WWOX: variants seen among roughly 807,000 people sequenced by gnomAD.
The protein encoded by WWOX is WW domain-containing oxidoreductase.
WWOX carries 69 observed loss-of-function variants against 46.2 expected under a neutral mutation model. The observed-to-expected ratio is 1.49, with a 90% CI of 1.23 to 1.82. The LOEUF is 1.82. WWOX is among the 40% of genes most tolerant of loss of function. The pLI is 0.00. For synonymous variants in WWOX, 359 were observed against 202.6 expected, an observed-to-expected ratio of 1.77 and a Z score of -6.56; for missense variants, 919 against 542.6, an observed-to-expected ratio of 1.69 and a Z score of -6.89.
At chr16:78,518,157 A>C (rs2043277764) in intron 8 of WWOX, among the ~76,000 whole-genome samples, 1 of 152,086 alleles carries the variant, frequency 6.6e-6, no homozygotes, top group African/African-American at 2.4e-5. Context: ...AGAGTCTATC[A>C]CTGTGCTTTT....
chr16:78,320,514 G>A (rs2080445305), intron 5 of WWOX, among the ~76,000 whole-genome samples: 1 of 152,166 alleles, frequency 6.6e-6, no homozygotes, highest in African/African-American at 2.4e-5. Flanking sequence ...CCCCGTAAGA[G>A]CATTATTCCC....
intron 8 of WWOX, among the ~76,000 whole-genome samples, chr16:78,640,910 G>C (rs189998827): frequency 1.4e-5 from 2 of 145,652 alleles, no homozygotes; most frequent in South Asian, 2.2e-4. Context: ...CTGCACTCCA[G>C]TCTGGGTGAC....
chr16:79,033,397 T>G (rs2151399471), intron 8 of WWOX, among the ~76,000 whole-genome samples: 1 of 151,028 alleles, frequency 6.6e-6, no homozygotes. Context: ...CTCTAATAAT[T>G]ATTTTTTAAG....
intron 6 of WWOX, among the ~76,000 whole-genome samples, chr16:78,395,752 T>TC (rs1485413399): frequency 4.0e-5 from 6 of 151,124 alleles, no homozygotes; most frequent in Non-Finnish European, 4.4e-5. Flanking sequence ...TTTTGTTTTG[T>TC]TTTTTCTTTT....
chr16:78,375,264 C>A (rs910640042), intron 5 of WWOX, among the ~76,000 whole-genome samples: 2 of 152,250 alleles, frequency 1.3e-5, no homozygotes, highest in Non-Finnish European at 2.9e-5. Context: ...ATATCCGTCA[C>A]ACGCAGTGTG....
intron 8 of WWOX, among the ~76,000 whole-genome samples, chr16:79,072,646 G>C (rs1286201092): frequency 6.6e-6 from 1 of 152,132 alleles, no homozygotes; most frequent in Admixed American, 6.5e-5. Flanking sequence ...ATCAAAGTTA[G>C]CAGTACTTGT....
At chr16:79,197,791 C>T (rs565734039) in intron 8 of WWOX, among the ~76,000 whole-genome samples, 5 of 152,172 alleles carry the variant, frequency 3.3e-5, no homozygotes, top group East Asian at 1.9e-4. Flanking sequence ...CCCACCATGA[C>T]GATGGGAGGC....
At chr16:79,142,781 C>G (rs970182283) in intron 8 of WWOX, among the ~76,000 whole-genome samples, 2 of 152,212 alleles carry the variant, frequency 1.3e-5, no homozygotes, top group Non-Finnish European at 2.9e-5. Flanking sequence ...TTACTGCAGC[C>G]TTGACCTCCC....
intron 4 of WWOX, among the ~76,000 whole-genome samples, chr16:78,154,687 A>G (rs1432007663): frequency 1.3e-5 from 2 of 151,930 alleles, no homozygotes; most frequent in East Asian, 3.9e-4. Context: ...TTCTCTGTCC[A>G]CGCAAAGCCA....
At chr16:78,982,207 A>G (rs79646776) in intron 8 of WWOX, among the ~76,000 whole-genome samples, 1,611 of 152,352 alleles carry the variant, frequency 0.011, 35 homozygotes, top group African/African-American at 0.037. Flanking sequence ...CACACGCCTA[A>G]GAAATAGGAA....
chr16:78,523,191 A>G (rs1262053470), intron 8 of WWOX, among the ~76,000 whole-genome samples: 2 of 152,232 alleles, frequency 1.3e-5, no homozygotes, highest in African/African-American at 4.8e-5. Flanking sequence ...GGTGGCAGTA[A>G]TAGTAATAAT....
rs533885964 is a variant in WWOX, at chr16:78,152,009, T to C, written c.410-12174T>C. 4.0e-3 allele frequency among the ~76,000 whole-genome samples: 609 copies of C among 152,172 alleles called. 5 individuals carry two copies. Among genetic ancestry groups the C allele is most frequent in the Middle Eastern group, 0.01 (3 of 294 alleles). ...ATGGAGACCGTCCTGGCTAACACGG[T>C]GAAACCCCGTCTCTACTAAAAATAC... is the stretch of plus-strand genomic sequence containing the variant. On this transcript the variant is annotated intron_variant, in intron 4 of 8. Transcript: ENST00000566780.
At chr16:78,819,744 A>G (rs1254126693) in intron 8 of WWOX, among the ~76,000 whole-genome samples, 1 of 152,214 alleles carries the variant, frequency 6.6e-6, no homozygotes, top group East Asian at 1.9e-4. Context: ...CCTGCCCTGC[A>G]TCACCAGCAC....
At chr16:78,869,698 C>T (rs2044084732) in intron 8 of WWOX, among the ~76,000 whole-genome samples, 1 of 152,174 alleles carries the variant, frequency 6.6e-6, no homozygotes. Context: ...ATCGCCCACT[C>T]TGATTTAGAT....
At chr16:78,763,647 C>T (rs763469216) in intron 8 of WWOX, among the ~76,000 whole-genome samples, 41 of 152,322 alleles carry the variant, frequency 2.7e-4, no homozygotes, top group Non-Finnish European at 4.9e-4. Context: ...ATGCCCAGCA[C>T]CTAGTACAGT....
chr16:78,793,186 C>G lies in WWOX; in HGVS notation c.1056+360434C>G, dbSNP rs574066468. On this transcript the variant is annotated intron_variant, in intron 8 of 8. Coordinates refer to ENST00000566780, the MANE Select transcript of WWOX (RefSeq NM_016373.4). ...CTCATGGGATCAAGTGATCTTCACA[C>G]CTCAGCCTCCCAAGTAACTGGGACC... Among the ~76,000 whole-genome samples the G allele has an allele frequency of 2.2e-3, 332 of 152,228 alleles. 1 individual carries two copies. Among genetic ancestry groups the G allele is most frequent in the African/African-American group, 7.5e-3 (313 of 41,550 alleles).
chr16:78,123,428 G>GTTTTTTTTTTTTTTTTTTTT (rs1330107026), intron 4 of WWOX: 1 of 61,050 alleles, frequency 1.6e-5, no homozygotes, highest in Admixed American at 1.7e-4. Flanking sequence ...TTTTTTCTTT[G>GTTTTTTTTTTTTTTTTTTTT]TTTTTTGTTT....
At chr16:78,225,390 A>G (rs1451043228) in intron 5 of WWOX, among the ~76,000 whole-genome samples, 1 of 151,578 alleles carries the variant, frequency 6.6e-6, no homozygotes, top group African/African-American at 2.4e-5. Context: ...TTTTCTCATG[A>G]CCTCTGCTTT....
intron 8 of WWOX, among the ~76,000 whole-genome samples, chr16:78,874,330 G>A (rs1369899706): frequency 1.3e-5 from 2 of 151,922 alleles, no homozygotes; most frequent in Admixed American, 6.6e-5. Flanking sequence ...ATAGAGAGCT[G>A]CATCCTGAAC....
Sources: gnomAD v4.1 joint callset for allele counts (sites outside exome capture counted in the v4.1 genomes callset) on GRCh38, gnomAD v4.1.1 for gene constraint, MANE v1.5 for transcripts, NCBI Gene and HGNC (gene_info 2026-07-23, HGNC 2026-07-21) for gene names.